The following GABRA3 variants were observed in gnomAD, a reference collection of about 807,000 sequenced individuals.
GABRA3 encodes the protein gamma-aminobutyric acid type A receptor subunit alpha3, also known as gamma-aminobutyric acid receptor subunit alpha-3.
A neutral mutation model predicts 30.1 loss-of-function variants in GABRA3; 10 were observed. The observed-to-expected ratio is 0.33, with a 90% CI of 0.20 to 0.56. The LOEUF (loss-of-function observed/expected upper bound fraction) is 0.56. GABRA3 is among the 20% of genes least tolerant of loss of function. The pLI, the probability that GABRA3 is intolerant of heterozygous loss-of-function variation, is 0.89. For synonymous variants in GABRA3, 151 were observed against 146.8 expected, an observed-to-expected ratio of 1.03 and a Z score of -0.21; for missense variants, 233 against 392.0, an observed-to-expected ratio of 0.59 and a Z score of 3.42.
intron 9 of GABRA3, among the ~76,000 whole-genome samples, chrX:152,172,983 T>C (rs890970324): frequency 3.8e-4 from 41 of 108,578 alleles, no homozygotes; most frequent in East Asian, 3.0e-3. Flanking sequence ...CACACACACA[T>C]ATATACACAT....
intron 2 of GABRA3, among the ~76,000 whole-genome samples, chrX:152,363,674 T>C (rs1603248331): frequency 8.9e-6 from 1 of 112,171 alleles, no homozygotes; most frequent in East Asian, 2.8e-4. Flanking sequence ...TGCTCAAGAA[T>C]CCTTGTTTCA....
intron 3 of GABRA3, among the ~76,000 whole-genome samples, chrX:152,315,119 C>T (rs1939854266): frequency 9.0e-6 from 1 of 111,181 alleles, no homozygotes; most frequent in Admixed American, 9.6e-5. Context: ...AACCCACAGA[C>T]CTTTTGAAGG....
intron 3 of GABRA3, among the ~76,000 whole-genome samples, chrX:152,302,512 A>C (rs1939649017): frequency 9.0e-6 from 1 of 111,464 alleles, no homozygotes. Context: ...ATGGGACCCA[A>C]ATCTAAACAC....
intron 9 of GABRA3, among the ~76,000 whole-genome samples, chrX:152,183,544 CTATTTCATG>C (rs1937214512): frequency 9.1e-6 from 1 of 109,919 alleles, no homozygotes; most frequent in South Asian, 3.8e-4. Flanking sequence ...TTTAAGTTCC[CTATTTCATG>C]TATTTCTGCT....
chrX:152,172,858 G>A (rs1011348865), intron 9 of GABRA3, among the ~76,000 whole-genome samples: 1 of 110,416 alleles, frequency 9.1e-6, no homozygotes, highest in African/African-American at 3.3e-5. Context: ...GATGAAAAGG[G>A]TTCAGGAGAC....
chrX:152,340,176 T>C (rs1473770977), intron 3 of GABRA3, among the ~76,000 whole-genome samples: 1 of 112,188 alleles, frequency 8.9e-6, no homozygotes, highest in Non-Finnish European at 1.9e-5. Context: ...CTTTATTAGC[T>C]AAATTTTCAA....
intron 2 of GABRA3, among the ~76,000 whole-genome samples, chrX:152,350,186 C>A (rs1217325180): frequency 9.5e-6 from 1 of 105,439 alleles, no homozygotes; most frequent in East Asian, 3.1e-4. Flanking sequence ...GGAAACTGAA[C>A]AACCTGCTCC....
intron 7 of GABRA3, among the ~76,000 whole-genome samples, 157 bp downstream of exon 7, chrX:152,207,844 C>T (rs941796954): frequency 1.8e-5 from 2 of 112,153 alleles, no homozygotes; most frequent in African/African-American, 6.5e-5. Flanking sequence ...TGACAAGGAG[C>T]AAATTACTGA....
intron 3 of GABRA3, among the ~76,000 whole-genome samples, chrX:152,342,973 C>G (rs1470596310): frequency 9.0e-6 from 1 of 111,719 alleles, no homozygotes; most frequent in African/African-American, 3.3e-5. Context: ...TTTTCCTCAT[C>G]CTTGAGCTGT....
intron 7 of GABRA3, among the ~76,000 whole-genome samples, chrX:152,198,279 T>C (rs1937414410): frequency 8.9e-6 from 1 of 112,010 alleles, no homozygotes; most frequent in Admixed American, 9.4e-5. Context: ...AGGTAGGTTG[T>C]CCACAGTTTA....
chrX:152,376,670 CAAGT>C (rs1378743898), intron 1 of GABRA3, among the ~76,000 whole-genome samples: 2 of 111,755 alleles, frequency 1.8e-5, no homozygotes, highest in African/African-American at 6.5e-5. Context: ...TTTTATCAAT[CAAGT>C]TTCTTGAACT....
rs780784339 is a variant in GABRA3 at position 152,348,778 on chromosome X, C to A, written c.141-3076G>T. Among the ~76,000 whole-genome samples, 6 of 112,202 alleles carry A rather than the reference C, an allele frequency of 5.3e-5. No individual in the cohort carries two copies. In the South Asian group the frequency reaches 2.2e-3, roughly 41 times the overall value. The stretch of plus-strand genomic sequence containing the variant: ...GTTCAATAGCATTATGTCTAAAAAT[C>A]AATTTACATACCTTAATTAAAAATA... On this transcript the variant is annotated intron_variant, in intron 2 of 9. Transcript: ENST00000370314.
At chrX:152,334,971 C>T (rs1237154891) in intron 3 of GABRA3, among the ~76,000 whole-genome samples, 1 of 111,360 alleles carries the variant, frequency 9.0e-6, no homozygotes, top group African/African-American at 3.3e-5. Flanking sequence ...GGGTAAGGCA[C>T]GACGTCAGCA....
chrX:152,345,768 A>G (rs1300472448), intron 2 of GABRA3, 66 bp from the exon 3 acceptor site: 25 of 1,014,318 alleles, frequency 2.5e-5, no homozygotes, highest in Non-Finnish European at 3.0e-5. Flanking sequence ...ACATGACTAG[A>G]TATCGTAATT....
At chrX:152,294,946 C>G (rs1442624357) in intron 3 of GABRA3, among the ~76,000 whole-genome samples, 3 of 110,470 alleles carry the variant, frequency 2.7e-5, no homozygotes, top group Non-Finnish European at 5.7e-5. Flanking sequence ...AGCTGCAGGT[C>G]TGTTGGAGTT....
At chrX:152,224,906 C>T (rs772419359) in intron 5 of GABRA3, 61 bp from the exon 6 acceptor site, 240 of 791,695 alleles carry the variant, frequency 3.0e-4, no homozygotes, top group Non-Finnish European at 3.6e-4. Context: ...AAACACAGGG[C>T]TGCATTCCCA....
At chrX:152,306,149 T>C (rs1939716924) in intron 3 of GABRA3, among the ~76,000 whole-genome samples, 1 of 112,103 alleles carries the variant, frequency 8.9e-6, no homozygotes, top group Non-Finnish European at 1.9e-5. Context: ...AGCTATACCC[T>C]GTCAAATATC....
intron 3 of GABRA3, among the ~76,000 whole-genome samples, chrX:152,310,065 A>C (rs1353324129): frequency 8.9e-6 from 1 of 112,503 alleles, no homozygotes; most frequent in Non-Finnish European, 1.9e-5. Context: ...TAAAGGGTTC[A>C]ATTCAACAAG....
intron 1 of GABRA3, among the ~76,000 whole-genome samples, chrX:152,443,221 AAATT>A (rs1159645649): frequency 8.9e-6 from 1 of 112,119 alleles, no homozygotes; most frequent in Non-Finnish European, 1.9e-5. Context: ...AAAGGAAACA[AAATT>A]AATCAAGAAA....
Sources: allele counts gnomAD v4.1 joint callset (sites outside exome capture counted in the v4.1 genomes callset), GRCh38; gene constraint gnomAD v4.1.1; transcripts MANE v1.5; gene names NCBI Gene and HGNC (gene_info 2026-07-23, HGNC 2026-07-21).